Variants in XG observed in about 807,000 individuals in gnomAD.
XG encodes the protein Xg glycoprotein (Xg blood group).
In XG, 24 loss-of-function variants were observed where a neutral mutation model predicts 25.7. The ratio of observed to expected loss-of-function variants is 0.93; its 90% confidence interval spans 0.68 to 1.31. The LOEUF is 1.31. Ranked by LOEUF, XG falls within the 40% of genes most tolerant of loss-of-function variation. The pLI is 0.00. For synonymous variants in XG, 77 were observed against 69.2 expected (o/e 1.11, Z -0.56); for missense variants, 181 against 187.6 (o/e 0.96, Z 0.21).
intron 9 of XG, chrX:2,808,501 T>G (rs1416671503): frequency 5.1e-6 from 5 of 980,277 alleles, no homozygotes; most frequent in Non-Finnish European, 5.1e-6. Context: ...GACTATTACA[T>G]TTCTCCCAGT....
At chrX:2,763,173 C>T (rs1166253604) in intron 1 of XG, among the ~76,000 whole-genome samples, 4 of 150,494 alleles carry the variant, frequency 2.7e-5, no homozygotes, top group Non-Finnish European at 5.9e-5. Flanking sequence ...CACACCACCA[C>T]GCCCACATTT....
At chrX:2,774,864 A>G in intron 3 of XG, 125 bp downstream of exon 3, 1 of 1,270,846 alleles carries the variant, frequency 7.9e-7, no homozygotes, top group Admixed American at 1.8e-5. Flanking sequence ...ACTGTACCAG[A>G]TAGCAGATAT....
intron 6 of XG, among the ~76,000 whole-genome samples, chrX:2,795,301 C>T (rs1435967397): frequency 9.4e-6 from 1 of 106,463 alleles, no homozygotes; most frequent in Non-Finnish European, 1.9e-5. Context: ...TCTTTAAATA[C>T]ATATACATTT....
chrX:2,793,838 C>G lies in XG; in HGVS notation c.254-697C>G, dbSNP rs774165883. Among the ~76,000 whole-genome samples the G allele has an allele frequency of 2.3e-4, 26 of 111,571 alleles. 1 individual carries two copies. In the South Asian group the frequency reaches 4.9e-3, roughly 21 times the overall value. Reference sequence around the variant, plus strand: ...GAATCGGCCACTGCCAACGTGAGGGCTGGGGTTAGGAGCATGCCTATGGTG... The same window carrying G: ...GAATCGGCCACTGCCAACGTGAGGGGTGGGGTTAGGAGCATGCCTATGGTG... On this transcript the variant is annotated intron_variant, in intron 5 of 10. Transcript: ENST00000644266.
chrX:2,808,486 G>A, intron 9 of XG: 2 of 996,849 alleles, frequency 2.0e-6, no homozygotes, highest in Non-Finnish European at 2.6e-6. Flanking sequence ...GTGAATGAGT[G>A]CTGAGACTAT....
At chrX:2,762,760 T>A (rs1168568602) in intron 1 of XG, among the ~76,000 whole-genome samples, 2 of 152,166 alleles carry the variant, frequency 1.3e-5, no homozygotes, top group Non-Finnish European at 2.9e-5. Context: ...TGATTTAATT[T>A]TTTTTACTCT....
At chrX:2,766,830 G>T (rs894623929) in intron 1 of XG, among the ~76,000 whole-genome samples, 4 of 152,214 alleles carry the variant, frequency 2.6e-5, no homozygotes, top group African/African-American at 4.8e-5. Context: ...CTCCCAAAGT[G>T]CTGGGATTAC....
chrX:2,769,267 C>T (rs1245890597), intron 1 of XG, among the ~76,000 whole-genome samples: 3 of 152,152 alleles, frequency 2.0e-5, no homozygotes, highest in Non-Finnish European at 2.9e-5. Flanking sequence ...GACATCAGAG[C>T]GGGGGAGACC....
At chrX:2,779,722 C>G (rs2051078137) in intron 3 of XG, among the ~76,000 whole-genome samples, 1 of 152,172 alleles carries the variant, frequency 6.6e-6, no homozygotes, top group Non-Finnish European at 1.5e-5. Context: ...TCTTGGCTCA[C>G]TGTAACCTCC....
chrX:2,753,853 A>C (rs1192034864), intron 1 of XG, among the ~76,000 whole-genome samples: 1 of 152,010 alleles, frequency 6.6e-6, no homozygotes, highest in African/African-American at 2.4e-5. Context: ...TGGGATTATA[A>C]ATGTGAGCCA....
At chrX:2,754,798 A>G (rs1230916776) in intron 1 of XG, among the ~76,000 whole-genome samples, 2 of 152,166 alleles carry the variant, frequency 1.3e-5, no homozygotes, top group Non-Finnish European at 2.9e-5. Context: ...GCGGCAGCTG[A>G]TTAGATGGTG....
chrX:2,801,397 C>T (rs1215460898), intron 7 of XG, among the ~76,000 whole-genome samples: 2 of 111,394 alleles, frequency 1.8e-5, no homozygotes, highest in Admixed American at 9.6e-5. Context: ...GGTTGTGGAC[C>T]GCAGCAGCTT....
At chrX:2,793,104 A>G (rs1336364539) in intron 5 of XG, among the ~76,000 whole-genome samples, 2 of 108,439 alleles carry the variant, frequency 1.8e-5, no homozygotes, top group Non-Finnish European at 3.8e-5. Context: ...GGGTCTCACT[A>G]TGTTGCCCAG....
chrX:2,755,013 G>A (rs758775148), intron 1 of XG, among the ~76,000 whole-genome samples: 4 of 152,296 alleles, frequency 2.6e-5, no homozygotes, highest in African/African-American at 9.6e-5. Context: ...AGCGGAATCT[G>A]AGCTGTCCTG....
In XG at chrX:2,770,015, GTGGA is replaced by G. The variant is rs1569460896; in HGVS notation, c.62-534_62-531del. Reference sequence around the variant, plus strand: ...CTCTCAACCTAGACTCTGTGCGTGTGTGGAGGGGTGGGGGGGGCGTTGGGGGGCG... The same window carrying G: ...CTCTCAACCTAGACTCTGTGCGTGTGGGGGTGGGGGGGGCGTTGGGGGGCG... On this transcript the variant is annotated intron_variant, in intron 1 of 10. Transcript: ENST00000644266. Among the ~76,000 whole-genome samples the G allele has an allele frequency of 7.9e-3, 1,108 of 140,554 alleles. 13 individuals are homozygous for G. Among genetic ancestry groups the G allele is most frequent in the African/African-American group, 0.027 (1,035 of 38,910 alleles). The allele number at this position is 140,554 out of a possible 152,430, so 92.2% of individuals were successfully genotyped here.
At chrX:2,790,562 C>T (rs950161187) in intron 5 of XG, among the ~76,000 whole-genome samples, 4 of 109,797 alleles carry the variant, frequency 3.6e-5, no homozygotes, top group Admixed American at 9.7e-5. Flanking sequence ...TTTGGGAGGC[C>T]GAGGTCTCCT....
intron 1 of XG, among the ~76,000 whole-genome samples, chrX:2,768,873 C>T (rs1312714752): frequency 6.6e-6 from 1 of 152,182 alleles, no homozygotes; most frequent in African/African-American, 2.4e-5. Flanking sequence ...CTGTAGTGAT[C>T]GCTGGTAACA....
chrX:2,806,910 G>A (rs1218021081), intron 8 of XG, among the ~76,000 whole-genome samples, 165 bp downstream of exon 8: 1 of 112,524 alleles, frequency 8.9e-6, no homozygotes, highest in African/African-American at 3.2e-5. Flanking sequence ...ATGCTGGGGG[G>A]AGATGTTGTG....
chrX:2,810,110 C>T lies in XG; in HGVS notation c.455-1226C>T, dbSNP rs1250168074. On this transcript the variant is annotated intron_variant, in intron 9 of 10. Transcript: ENST00000644266. ...GCATCAGCCGTAGAGCAGGTTCTTG[C>T]GTTCAGTGACAACACTCTTCCCCCC... is the stretch of plus-strand genomic sequence containing the variant. 4.5e-5 allele frequency among the ~76,000 whole-genome samples: 5 copies of T among 111,521 alleles called. No homozygotes were observed. In the East Asian group the frequency reaches 1.4e-3, roughly 31 times the overall value.
Sources: gnomAD v4.1 joint callset for allele counts (sites outside exome capture counted in the v4.1 genomes callset) on GRCh38, gnomAD v4.1.1 for gene constraint, MANE v1.5 for transcripts, NCBI Gene and HGNC (gene_info 2026-07-23, HGNC 2026-07-21) for gene names.